Variants in MAP3K19 observed in about 807,000 individuals in gnomAD.
The protein encoded by MAP3K19 is SPS1/STE20-related protein kinase YSK4.
In MAP3K19, 91 loss-of-function variants were observed where a neutral mutation model predicts 114.4. The observed-to-expected ratio is 0.80, with a 90% CI of 0.67 to 0.95. The LOEUF is 0.95. Among genes scored for constraint, MAP3K19 ranks in the 40% least tolerant of loss-of-function variants. MAP3K19 has a pLI of 0.00. For missense variants in MAP3K19, 1,471 were observed against 1,573.2 expected (o/e 0.94, Z 1.10); for synonymous variants, 518 against 530.5 (o/e 0.98, Z 0.32).
At chr2:135,017,571 T>A (rs1687662797) in intron 5 of MAP3K19, among the ~76,000 whole-genome samples, 2 of 152,148 alleles carry the variant, frequency 1.3e-5, no homozygotes, top group Admixed American at 6.6e-5. Flanking sequence ...AGAGTGGAAG[T>A]AGAATGTTGG....
At position 134,986,088 on chromosome 2, in the gene MAP3K19, A is replaced by C. The variant is rs375120222; in HGVS notation, c.2784T>G (p.Asp928Glu). The C allele has an allele frequency of 1.2e-5, 20 of 1,613,970 alleles. No homozygotes were observed. The Middle Eastern group carries it at 8.2e-4, about 66-fold the overall frequency. Residue 928 changes from aspartate (D) to glutamate (E), a missense_variant, in exon 10 of 13, where the codon GAT becomes GAG. Asp to Glu is a conservative substitution (Grantham distance 45). Coordinates refer to ENST00000392915, the MANE Select transcript of MAP3K19 (RefSeq NM_025052.5). ...TTGACTTATTTGCTAAACTATCATG[A>C]TCCAAATAATGTACCCAATATTGAT... is the stretch of plus-strand genomic sequence containing the variant. ...QTYQYWVHYL[D>E]HDSLANKSIT...
chr2:135,010,870 A>T (rs1443933035), intron 5 of MAP3K19, among the ~76,000 whole-genome samples: 1 of 152,030 alleles, frequency 6.6e-6, no homozygotes, highest in African/African-American at 2.4e-5. Context: ...GACTCAAGGG[A>T]TCTTCCCACT....
At chr2:134,998,535 T>C (rs186051580) in intron 8 of MAP3K19, among the ~76,000 whole-genome samples, 71 of 152,362 alleles carry the variant, frequency 4.7e-4, no homozygotes, top group African/African-American at 1.6e-3. Context: ...TGGAACATTA[T>C]GCCATCCTTC....
chr2:134,987,948 C>T lies in MAP3K19; in HGVS notation c.924G>A (p.Trp308Ter), dbSNP rs868467578. 6.2e-7 allele frequency: 1 copy of T among 1,614,196 alleles called. No individual in the cohort carries two copies. Among genetic ancestry groups the T allele is most frequent in the East Asian group, 2.2e-5 (1 of 44,890 alleles). The change falls in exon 10 of 13, where the codon TGG (tryptophan) becomes TGA (stop). Residue 308 changes from tryptophan (W) to a stop codon, truncating the protein, a stop_gained. Transcript: ENST00000392915. LOFTEE classifies it high-confidence loss of function. ...TACATTCTTCTATTTCCTTGGATTTCCAGTTTTCCTCCTTCTCCAGGCATT... is the reference window on the plus strand; with the variant it reads ...TACATTCTTCTATTTCCTTGGATTTTCAGTTTTCCTCCTTCTCCAGGCATT... Reference protein sequence around the residue: ...HRQCLEKEENWKSKEIEECNK... With the variant: ...HRQCLEKEEN
intron 3 of MAP3K19, among the ~76,000 whole-genome samples, chr2:135,029,402 AC>A (rs764324516): frequency 3.3e-5 from 5 of 152,142 alleles, no homozygotes; most frequent in South Asian, 2.1e-4. Flanking sequence ...AAACAAAAAA[AC>A]ATTAGATTAC....
At chr2:135,046,810 A>T (rs1165405573) in intron 1 of MAP3K19, among the ~76,000 whole-genome samples, 3 of 152,274 alleles carry the variant, frequency 2.0e-5, no homozygotes, top group African/African-American at 7.2e-5. Flanking sequence ...GGTTAAGAAC[A>T]TATGTATACA....
chr2:134,978,184 T>C (rs1457713885), intron 12 of MAP3K19, among the ~76,000 whole-genome samples: 1 of 144,864 alleles, frequency 6.9e-6, no homozygotes, highest in Non-Finnish European at 1.5e-5. Context: ...ATCAACCTTA[T>C]AATGATTTTT....
At chr2:135,002,649 G>A (rs1287408554) in intron 6 of MAP3K19, among the ~76,000 whole-genome samples, 1 of 151,512 alleles carries the variant, frequency 6.6e-6, no homozygotes, top group Admixed American at 6.6e-5. Flanking sequence ...GGCTTCCTGC[G>A]CTGCTAGATT....
chr2:134,969,168 C>G (rs942003749), intron 12 of MAP3K19, among the ~76,000 whole-genome samples: 1 of 143,650 alleles, frequency 7.0e-6, no homozygotes, highest in Non-Finnish European at 1.5e-5. Flanking sequence ...GCCAACACAG[C>G]GAAACCCCGT....
chr2:135,000,567 T>C (rs1686367008), intron 6 of MAP3K19, among the ~76,000 whole-genome samples: 1 of 152,254 alleles, frequency 6.6e-6, no homozygotes. Context: ...TTAAGGTGTG[T>C]TCATTCATTC....
intron 3 of MAP3K19, among the ~76,000 whole-genome samples, chr2:135,027,737 C>T (rs146268789): frequency 4.4e-4 from 67 of 152,316 alleles, no homozygotes; most frequent in Non-Finnish European, 8.1e-4. Context: ...TACTGCATAG[C>T]TCTTTATGCT....
intron 5 of MAP3K19, among the ~76,000 whole-genome samples, chr2:135,016,179 C>T (rs964230967): frequency 6.6e-6 from 1 of 152,168 alleles, no homozygotes; most frequent in Non-Finnish European, 1.5e-5. Flanking sequence ...TTTGCTTGGG[C>T]TCAGGAATGC....
At chr2:135,010,804 AT>A (rs547440929) in intron 5 of MAP3K19, among the ~76,000 whole-genome samples, 2 of 151,822 alleles carry the variant, frequency 1.3e-5, no homozygotes, top group Admixed American at 6.6e-5. Flanking sequence ...TAATTTTTTA[AT>A]TTTTTTGTAG....
chr2:135,010,184 A>G (rs1687122418), intron 5 of MAP3K19, among the ~76,000 whole-genome samples: 1 of 152,226 alleles, frequency 6.6e-6, no homozygotes, highest in Non-Finnish European at 1.5e-5. Flanking sequence ...CATAGAAAAA[A>G]TAATAATAAA....
chr2:134,986,245 G>A lies in MAP3K19; in HGVS notation c.2627C>T (p.Ala876Val). ...KYVQQEKQNT[A>V]SLSKVNASRI... ...GCTGGCATTTACTTTACTAAGAGAT[G>A]CTGTATTCTGCTTTTCTTGCTGTAC... Residue 876 changes from alanine (A) to valine (V), a missense_variant, in exon 10 of 13, where the codon GCA becomes GTA. Transcript: ENST00000392915. 6.2e-7 allele frequency: 1 copy of A among 1,614,018 alleles called. No individual in the cohort carries two copies. Among genetic ancestry groups the A allele is most frequent in the Non-Finnish European group, 8.5e-7 (1 of 1,179,958 alleles).
rs1216966315 is a variant in MAP3K19, at chr2:134,987,186, AG to A, written c.1685del (p.Pro562LeufsTer8). ...TTTTTATGCTGGTTTTATGCATGGT[AG>A]GCTTAATGGGACCTTCAGTAGAAAT... is the stretch of plus-strand genomic sequence containing the variant. Reference protein sequence around the residue: ...FVISTEGPIKPTMHKTSIKTQ... With the variant: ...FVISTEGPIKXTMHKTSIKTQ... On this transcript the variant is annotated frameshift_variant, in exon 10 of 13. Coordinates refer to ENST00000392915, the MANE Select transcript of MAP3K19 (RefSeq NM_025052.5). LOFTEE classifies it high-confidence loss of function. 1 of 1,614,188 alleles carries A rather than the reference AG, an allele frequency of 6.2e-7. No homozygotes were observed. The highest frequency in any genetic ancestry group is 1.3e-5 in the African/African-American group (1 of 75,040).
chr2:135,011,872 T>C (rs944176446), intron 5 of MAP3K19, among the ~76,000 whole-genome samples: 26 of 152,158 alleles, frequency 1.7e-4, no homozygotes, highest in Admixed American at 4.6e-4. Context: ...GAGACCAGCC[T>C]GGGCAACATA....
intron 2 of MAP3K19, among the ~76,000 whole-genome samples, chr2:135,039,047 C>T (rs1277529915): frequency 6.6e-6 from 1 of 150,386 alleles, no homozygotes; most frequent in African/African-American, 2.5e-5. Context: ...ACAGAGAGGG[C>T]TTTTGAGGCA....
chr2:134,987,245 T>TG lies in MAP3K19; in HGVS notation c.1626dup (p.Lys543GlnfsTer4). On this transcript the variant is annotated frameshift_variant, in exon 10 of 13. Transcript: ENST00000392915. LOFTEE classifies it high-confidence loss of function. ...TTCTGAGGTGTCTTCTTACTTGTCT[T>TG]GGTCTTTGAATCCAACTTACTCCTA... 6.2e-7 allele frequency: 1 copy of TG among 1,614,174 alleles called. No homozygotes were observed. The highest frequency in any genetic ancestry group is 1.6e-4 in the Middle Eastern group (1 of 6,062).
Sources: gnomAD v4.1 joint callset for allele counts (sites outside exome capture counted in the v4.1 genomes callset) on GRCh38, gnomAD v4.1.1 for gene constraint, MANE v1.5 for transcripts, NCBI Gene and HGNC (gene_info 2026-07-23, HGNC 2026-07-21) for gene names.